ENDOD1: variants seen among roughly 807,000 people sequenced by gnomAD.
ENDOD1 encodes endonuclease domain-containing 1 protein.
A neutral mutation model predicts 6.5 loss-of-function variants in ENDOD1; 9 were observed. The ratio of observed to expected loss-of-function variants is 1.39; its 90% CI spans 0.84 to 2.43. The LOEUF (loss-of-function observed/expected upper bound fraction) is 2.43. Among genes scored for constraint, ENDOD1 ranks in the 30% most tolerant of loss-of-function variants. ENDOD1 has a pLI of 0.00. For missense variants in ENDOD1, 648 were observed against 635.5 expected, an observed-to-expected ratio of 1.02 and a Z score of -0.21; for synonymous variants, 255 against 255.2, an observed-to-expected ratio of 1.00 and a Z score of 0.01.
intron 1 of ENDOD1, among the ~76,000 whole-genome samples, chr11:95,099,594 A>G (rs567873349): frequency 6.6e-6 from 1 of 152,356 alleles, no homozygotes; most frequent in East Asian, 1.9e-4. Flanking sequence ...CTTAAACTTA[A>G]TAACCCAGTA....
At chr11:95,099,787 T>C (rs1163094188) in intron 1 of ENDOD1, among the ~76,000 whole-genome samples, 7 of 152,248 alleles carry the variant, frequency 4.6e-5, no homozygotes, top group Non-Finnish European at 7.3e-5. Flanking sequence ...TAAATGTGCC[T>C]TCCCTCTATG....
At chr11:95,104,447 TAAA>T (rs10716026) in intron 1 of ENDOD1, among the ~76,000 whole-genome samples, 106 of 130,998 alleles carry the variant, frequency 8.1e-4, no homozygotes, top group Admixed American at 9.3e-4. Context: ...GACCCTGTCT[TAAA>T]AAAAAAAAAA....
chr11:95,120,728 AC>A (rs757458519), intron 1 of ENDOD1, among the ~76,000 whole-genome samples: 6 of 152,072 alleles, frequency 3.9e-5, no homozygotes, highest in Admixed American at 6.5e-5. Flanking sequence ...CCAGTTCAGC[AC>A]TAGGACTCAC....
chr11:95,094,120 A>G (rs1346323669), intron 1 of ENDOD1, among the ~76,000 whole-genome samples: 1 of 148,232 alleles, frequency 6.7e-6, no homozygotes, highest in Non-Finnish European at 1.5e-5. Context: ...AACTGAATAT[A>G]TAAATTATAT....
chr11:95,097,166 A>G (rs1858994676), intron 1 of ENDOD1, among the ~76,000 whole-genome samples: 1 of 151,712 alleles, frequency 6.6e-6, no homozygotes, highest in Non-Finnish European at 1.5e-5. Context: ...AAAAAAAAAA[A>G]AAGGCATATT....
chr11:95,119,491 C>T (rs1859242151), intron 1 of ENDOD1, among the ~76,000 whole-genome samples: 1 of 152,220 alleles, frequency 6.6e-6, no homozygotes, highest in Non-Finnish European at 1.5e-5. Flanking sequence ...CTTTTGTTCT[C>T]TTCTCTTACT....
At chr11:95,090,651 G>A (rs945533775) in intron 1 of ENDOD1, among the ~76,000 whole-genome samples, 10 of 152,208 alleles carry the variant, frequency 6.6e-5, no homozygotes, top group African/African-American at 2.4e-4. Flanking sequence ...CACTCATTTG[G>A]AGGTGGGTAG....
At chr11:95,092,514 C>T (rs1858940674) in intron 1 of ENDOD1, among the ~76,000 whole-genome samples, 1 of 152,160 alleles carries the variant, frequency 6.6e-6, no homozygotes, top group Non-Finnish European at 1.5e-5. Context: ...CAAATGGCAG[C>T]TTGAGAGGTA....
chr11:95,118,756 CT>C (rs1316817188), intron 1 of ENDOD1, among the ~76,000 whole-genome samples: 1 of 152,196 alleles, frequency 6.6e-6, no homozygotes, highest in Non-Finnish European at 1.5e-5. Flanking sequence ...CTACTTCTAT[CT>C]CTTTCTCTAC....
intron 1 of ENDOD1, among the ~76,000 whole-genome samples, chr11:95,126,883 G>A (rs374796457): frequency 3.9e-5 from 6 of 151,930 alleles, no homozygotes; most frequent in East Asian, 1.9e-4. Context: ...ATGGGGTTTC[G>A]CCATGTTGCC....
intron 1 of ENDOD1, among the ~76,000 whole-genome samples, chr11:95,119,225 A>G (rs1357202712): frequency 6.6e-6 from 1 of 152,182 alleles, no homozygotes; most frequent in Non-Finnish European, 1.5e-5. Context: ...TGATACTTGT[A>G]GATGTTTGTC....
At chr11:95,100,239 C>G (rs1859025020) in intron 1 of ENDOD1, among the ~76,000 whole-genome samples, 1 of 152,154 alleles carries the variant, frequency 6.6e-6, no homozygotes, top group Admixed American at 6.5e-5. Context: ...CTATCTAAGT[C>G]TCTGCAAGAC....
In ENDOD1 at chr11:95,129,176, A is replaced by T. The variant is rs188091415; in HGVS notation, c.1100A>T (p.Gln367Leu). The T allele has an allele frequency of 1.8e-4, 287 of 1,614,200 alleles. 2 individuals are homozygous for T. In the African/African-American group the frequency reaches 3.4e-3, roughly 19 times the overall value. Residue 367 changes from glutamine to leucine, a missense_variant, in exon 2 of 2, where the codon CAG becomes CTG. Transcript: ENST00000278505. The stretch of plus-strand genomic sequence containing the variant: ...TATTTCCTGTGGTGTGTTACCAAGC[A>T]GGTGATTAATGGCATAGAAAGTTGC... ...IVYFLWCVTK[Q>L]VINGIESCLY...
chr11:95,121,937 A>G (rs55688751), intron 1 of ENDOD1, among the ~76,000 whole-genome samples: 30,000 of 152,092 alleles, frequency 0.2, 3,093 homozygotes, highest in Non-Finnish European at 0.23. Context: ...GTGTTCCCCT[A>G]TATTTAGAGA....
In ENDOD1 at chr11:95,132,517, A is replaced by G. The variant is rs985239423; in HGVS notation, c.*2938A>G. 8.5e-5 allele frequency: 13 copies of G among 152,252 alleles called. No homozygotes were observed. Among genetic ancestry groups the G allele is most frequent in the African/African-American group, 3.1e-4 (13 of 41,466 alleles). The allele number at this position is 152,252 out of a possible 1,614,324, so 9.4% of individuals were successfully genotyped here. ...ATAACATGTTCCTTGGAACAGAGGA[A>G]GAAAAACCACGAAACCATGGAAATT... On this transcript the variant is annotated 3_prime_UTR_variant, in exon 2 of 2. Coordinates refer to ENST00000278505, the MANE Select transcript of ENDOD1 (RefSeq NM_015036.3).
Position 95,129,047 on chromosome 11 carries a change from G to C in ENDOD1, c.971G>C (p.Ser324Thr), listed in dbSNP as rs1240979150. The change falls in exon 2 of 2, where the codon AGT becomes ACT. Residue 324 changes from serine to threonine, a missense_variant. Ser to Thr is a moderately conservative substitution (Grantham distance 58). Transcript: ENST00000278505. Reference protein sequence around the residue: ...TLLPPEASEGSSSFLGKLMGF... With the variant: ...TLLPPEASEGTSSFLGKLMGF... ...TTGCCTCCAGAGGCATCTGAGGGAA[G>C]TAGTAGCTTTTTGGGAAAACTCATG... The C allele has an allele frequency of 6.2e-7, 1 of 1,614,010 alleles. No homozygotes were observed. The highest frequency in any genetic ancestry group is 1.1e-5 in the South Asian group (1 of 91,076).
chr11:95,091,979 T>C (rs1278191438), intron 1 of ENDOD1, among the ~76,000 whole-genome samples: 1 of 152,212 alleles, frequency 6.6e-6, no homozygotes, highest in Non-Finnish European at 1.5e-5. Context: ...ACATGAGTAC[T>C]AAGTACTAGC....
chr11:95,089,852 C>G lies in ENDOD1; in HGVS notation c.-76C>G, dbSNP rs992684429. 1.2e-4 allele frequency: 153 copies of G among 1,252,168 alleles called. No individual in the cohort carries two copies. The Middle Eastern group carries it at 3.2e-3, about 26-fold the overall frequency. The allele number at this position is 1,252,168 out of a possible 1,614,324, so 77.6% of individuals were successfully genotyped here. A position where few individuals can be genotyped will look rare whatever the true frequency, so the allele number is the denominator to read the frequency against. ...CCCTACCCTGCTCGGCTGCGTAGTG[C>G]GCTCCCCGCCCAGCCTGCAGAGCTC... is the stretch of plus-strand genomic sequence containing the variant. On this transcript the variant is annotated 5_prime_UTR_variant, in exon 1 of 2. Coordinates refer to ENST00000278505, the MANE Select transcript of ENDOD1 (RefSeq NM_015036.3).
At chr11:95,118,600 C>G (rs1859233443) in intron 1 of ENDOD1, among the ~76,000 whole-genome samples, 1 of 152,170 alleles carries the variant, frequency 6.6e-6, no homozygotes, top group African/African-American at 2.4e-5. Context: ...CTTTCTTTAT[C>G]ATTGACCTTT....
Sources: allele counts gnomAD v4.1 joint callset (sites outside exome capture counted in the v4.1 genomes callset), GRCh38; gene constraint gnomAD v4.1.1; transcripts MANE v1.5; gene names NCBI Gene and HGNC (gene_info 2026-07-23, HGNC 2026-07-21).